The following TBC1D22A variants were observed in gnomAD, a reference collection of about 807,000 sequenced individuals.
TBC1D22A encodes the protein TBC1 domain family member 22A, also known as putative GTPase activator.
Under a neutral mutation model 60.2 loss-of-function variants are expected in TBC1D22A, and 38 were observed. The ratio of observed to expected loss-of-function variants is 0.63; its 90% CI spans 0.49 to 0.83. TBC1D22A has a LOEUF of 0.83. Ranked by LOEUF, TBC1D22A falls within the 40% of genes least tolerant of loss-of-function variation. TBC1D22A has a pLI of 0.00. For missense variants in TBC1D22A, 628 were observed against 701.0 expected, an observed-to-expected ratio of 0.90 and a Z score of 1.18; for synonymous variants, 302 against 281.7, an observed-to-expected ratio of 1.07 and a Z score of -0.72.
intron 9 of TBC1D22A, among the ~76,000 whole-genome samples, chr22:46,991,475 G>C (rs553479800): frequency 6.6e-6 from 1 of 152,178 alleles, no homozygotes; most frequent in East Asian, 1.9e-4. Context: ...TGAGCTAATA[G>C]GAACAAATGG....
chr22:46,832,917 G>A (rs2086371975), intron 4 of TBC1D22A, among the ~76,000 whole-genome samples: 1 of 152,168 alleles, frequency 6.6e-6, no homozygotes, highest in Non-Finnish European at 1.5e-5. Flanking sequence ...GGACAGGGAA[G>A]GGCGGATGGT....
chr22:46,920,854 TCTG>T (rs1473356808), intron 8 of TBC1D22A, among the ~76,000 whole-genome samples: 2 of 151,942 alleles, frequency 1.3e-5, no homozygotes, highest in African/African-American at 2.4e-5. Flanking sequence ...CACTGCAACC[TCTG>T]CCTCCTGGGT....
In TBC1D22A at chr22:47,001,183, G is replaced by A. The variant is rs150142082; in HGVS notation, c.1201+3474G>A. On this transcript the variant is annotated intron_variant, in intron 10 of 12. Coordinates refer to ENST00000337137, the MANE Select transcript of TBC1D22A (RefSeq NM_014346.5). ...GTTCCAACCTGAGAGGATCAGGGTT[G>A]TTTGAACCTCAGTTATGATGATTCT... Among the ~76,000 whole-genome samples, 494 of 152,144 alleles carry A rather than the reference G, an allele frequency of 3.2e-3. 2 individuals are homozygous for A. The highest frequency in any genetic ancestry group is 9.9e-3 in the African/African-American group (412 of 41,484).
rs554720495 is a variant in TBC1D22A at position 47,101,125 on chromosome 22, C to T, written c.1330-10383C>T. 8.5e-5 allele frequency among the ~76,000 whole-genome samples: 13 copies of T among 152,200 alleles called. No homozygotes were observed. The South Asian group carries it at 1.7e-3, about 19-fold the overall frequency. On this transcript the variant is annotated intron_variant, in intron 11 of 12. Transcript: ENST00000337137. ...TCAAAGCTGCTGTTTCTTTCATTAG[C>T]GATTAAGAGAGGGGAATATTGAAGT...
At chr22:46,770,584 C>A (rs1259233025) in intron 1 of TBC1D22A, among the ~76,000 whole-genome samples, 1 of 152,200 alleles carries the variant, frequency 6.6e-6, no homozygotes, top group Non-Finnish European at 1.5e-5. Flanking sequence ...GTACCTTGGT[C>A]AGCGGCCTTG....
chr22:46,842,470 T>C (rs930080177), intron 4 of TBC1D22A, among the ~76,000 whole-genome samples: 1 of 152,252 alleles, frequency 6.6e-6, no homozygotes, highest in African/African-American at 2.4e-5. Flanking sequence ...TGTCTGTCCA[T>C]CCATCATTCC....
At position 46,798,388 on chromosome 22, in the gene TBC1D22A, G is replaced by A. The variant is rs562406695; in HGVS notation, c.637+768G>A. ...GTCATCAGAGGGTGACAGGCTGTGAGCCCTGCAAGGGGGCAGGGGTGAGGC... is the reference window on the plus strand; with the variant it reads ...GTCATCAGAGGGTGACAGGCTGTGAACCCTGCAAGGGGGCAGGGGTGAGGC... On this transcript the variant is annotated intron_variant, in intron 4 of 12. Transcript: ENST00000337137. Among the ~76,000 whole-genome samples the A allele has an allele frequency of 3.5e-4, 54 of 152,352 alleles. No homozygotes were observed. In the Middle Eastern group the frequency reaches 0.01, roughly 29 times the overall value.
At chr22:47,058,679 A>T (rs1755852287) in intron 11 of TBC1D22A, among the ~76,000 whole-genome samples, 1 of 152,092 alleles carries the variant, frequency 6.6e-6, no homozygotes. Context: ...CCAGGTGGAC[A>T]GGCTGGGTCC....
intron 8 of TBC1D22A, among the ~76,000 whole-genome samples, chr22:46,950,451 G>T (rs560943292): frequency 4.6e-5 from 7 of 152,276 alleles, no homozygotes; most frequent in African/African-American, 2.4e-5. Context: ...CCAGGCAGTC[G>T]TTGATTTCTG....
At chr22:46,833,917 T>C (rs956630646) in intron 4 of TBC1D22A, among the ~76,000 whole-genome samples, 1 of 152,218 alleles carries the variant, frequency 6.6e-6, no homozygotes, top group East Asian at 1.9e-4. Flanking sequence ...GAGAGAGGAA[T>C]TGGGTTTTTG....
chr22:47,142,965 T>G (rs1302033434), intron 12 of TBC1D22A, among the ~76,000 whole-genome samples: 5 of 151,124 alleles, frequency 3.3e-5, no homozygotes, highest in Non-Finnish European at 7.4e-5. Flanking sequence ...TTCTGAGCCT[T>G]TGCCCTCAGA....
chr22:46,971,638 G>A (rs563883248), intron 8 of TBC1D22A, among the ~76,000 whole-genome samples: 4 of 152,230 alleles, frequency 2.6e-5, no homozygotes, highest in Admixed American at 6.5e-5. Flanking sequence ...TAGGAAAGGC[G>A]TTACGAGGGG....
chr22:47,099,233 A>G (rs1005820679), intron 11 of TBC1D22A, among the ~76,000 whole-genome samples: 21 of 152,162 alleles, frequency 1.4e-4, no homozygotes, highest in African/African-American at 5.1e-4. Context: ...CACAGAGGGA[A>G]GGGCCTGGCT....
intron 11 of TBC1D22A, among the ~76,000 whole-genome samples, chr22:47,071,268 GC>G (rs2063976848): frequency 6.6e-6 from 1 of 152,246 alleles, no homozygotes; most frequent in South Asian, 2.1e-4. Flanking sequence ...CCTCCCAGGA[GC>G]TTGCACAGAG....
intron 12 of TBC1D22A, among the ~76,000 whole-genome samples, chr22:47,136,413 G>A (rs575111083): frequency 2.0e-3 from 310 of 152,330 alleles, no homozygotes; most frequent in Middle Eastern, 0.01. Flanking sequence ...TCCACGCTTC[G>A]ACCAAAGCTG....
intron 11 of TBC1D22A, among the ~76,000 whole-genome samples, chr22:47,083,305 T>C (rs2064547064): frequency 6.6e-6 from 1 of 151,720 alleles, no homozygotes; most frequent in Admixed American, 6.6e-5. Context: ...CGAAAAAAAC[T>C]ATTAAAATCA....
chr22:46,970,983 CTGTGCCACTCTG>C (rs2074025922), intron 8 of TBC1D22A, among the ~76,000 whole-genome samples: 2 of 152,186 alleles, frequency 1.3e-5, no homozygotes, highest in South Asian at 4.1e-4. Flanking sequence ...CCAGAGTGCC[CTGTGCCACTCTG>C]TGTGCCTTTG....
chr22:47,072,083 TA>T (rs10713516), intron 11 of TBC1D22A, among the ~76,000 whole-genome samples: 28,179 of 152,238 alleles, frequency 0.19, 3,207 homozygotes, highest in African/African-American at 0.32. Flanking sequence ...CGGTTTTCTC[TA>T]GCAGCCCTCC....
In TBC1D22A at chr22:46,951,664, G is replaced by T. The variant is rs542270580; in HGVS notation, c.1016-22626G>T. On this transcript the variant is annotated intron_variant, in intron 8 of 12. Coordinates refer to ENST00000337137, the MANE Select transcript of TBC1D22A (RefSeq NM_014346.5). ...GTGTCAGCTGTCCAGTTACAGCGAG[G>T]TGTAAAGTGGACGAGTGTCTCAGTG... Among the ~76,000 whole-genome samples, 18 of 152,344 alleles carry T rather than the reference G, an allele frequency of 1.2e-4. 1 individual carries two copies. Among genetic ancestry groups the T allele is most frequent in the Admixed American group, 1.1e-3 (17 of 15,306 alleles).
Sources: gnomAD v4.1 joint callset for allele counts (sites outside exome capture counted in the v4.1 genomes callset) on GRCh38, gnomAD v4.1.1 for gene constraint, MANE v1.5 for transcripts, NCBI Gene and HGNC (gene_info 2026-07-23, HGNC 2026-07-21) for gene names.